Variants in THBS4 observed in about 807,000 individuals in gnomAD.
The protein encoded by THBS4 is thrombospondin-4.
Under a neutral mutation model 115.7 loss-of-function variants are expected in THBS4, and 90 were observed. The observed-to-expected ratio is 0.78, with a 90% CI of 0.66 to 0.93. The LOEUF is 0.93. THBS4 is among the 40% of genes least tolerant of loss of function. The probability of loss-of-function intolerance (pLI) is 0.00; values close to 1 mark genes in which losing one functional copy is unlikely to be tolerated. For synonymous variants in THBS4, 460 were observed against 479.3 expected (o/e 0.96, Z 0.53); for missense variants, 1,087 against 1,232.7 (o/e 0.88, Z 1.77).
At chr5:80,021,134 A>T (rs1388930498) in intron 2 of THBS4, among the ~76,000 whole-genome samples, 1 of 152,128 alleles carries the variant, frequency 6.6e-6, no homozygotes, top group African/African-American at 2.4e-5. Flanking sequence ...ACCGAGAAAC[A>T]GTTTTGTTGC....
At chr5:80,026,610 A>C (rs1386927753) in intron 2 of THBS4, among the ~76,000 whole-genome samples, 1 of 152,252 alleles carries the variant, frequency 6.6e-6, no homozygotes, top group African/African-American at 2.4e-5. Flanking sequence ...GCTGTATTCC[A>C]ATAAAACTTT....
In THBS4 at chr5:79,993,479, A is replaced by G. The variant is rs187592943; in HGVS notation, n.81+2067A>G. Among the ~76,000 whole-genome samples the G allele has an allele frequency of 2.0e-5, 3 of 152,350 alleles. No homozygotes were observed. In the East Asian group the frequency reaches 5.8e-4, roughly 29 times the overall value. The stretch of plus-strand genomic sequence containing the variant: ...TCCTGGCTGTTTTAGAGTATTGTTC[A>G]GAGTTCATCTAAATCATAACTTCAG... On this transcript the variant is annotated intron_variant and non_coding_transcript_variant, in intron 1 of 3. Coordinates refer to the THBS4 transcript ENST00000510218.
Position 80,080,093 on chromosome 5 carries a change from A to G in THBS4, c.2684+16A>G. 6.2e-7 allele frequency: 1 copy of G among 1,610,564 alleles called. No individual in the cohort carries two copies. Among genetic ancestry groups the G allele is most frequent in the East Asian group, 2.2e-5 (1 of 44,814 alleles). ...GCTACATCAGGTAGGTAGAGGCCCC[A>G]TCTCCTTACCTTGCTCTAGAAGCAA... On this transcript the variant is annotated intron_variant, in intron 20 of 21. Coordinates refer to ENST00000350881, the MANE Select transcript of THBS4 (RefSeq NM_003248.6).
At chr5:80,008,730 G>A (rs768445484) in intron 2 of THBS4, among the ~76,000 whole-genome samples, 1 of 152,138 alleles carries the variant, frequency 6.6e-6, no homozygotes, top group Non-Finnish European at 1.5e-5. Flanking sequence ...ATGCTTAACA[G>A]CACCCCTCGC....
chr5:80,006,551 T>C (rs1227390648), intron 2 of THBS4, among the ~76,000 whole-genome samples: 1 of 152,224 alleles, frequency 6.6e-6, no homozygotes, highest in African/African-American at 2.4e-5. Flanking sequence ...AATGGACTAA[T>C]ACACCTCTGC....
At chr5:80,027,986 G>A (rs967314125) in intron 2 of THBS4, among the ~76,000 whole-genome samples, 5 of 150,262 alleles carry the variant, frequency 3.3e-5, no homozygotes, top group African/African-American at 2.5e-5. Flanking sequence ...ATCAAAATAC[G>A]TTCATATCTC....
Position 80,070,691 on chromosome 5 carries a change from G to A in THBS4, c.1501G>A (p.Asp501Asn). The change falls in exon 12 of 22, where the codon GAT (aspartate) becomes AAT (asparagine). Residue 501 changes from aspartate (D) to asparagine (N), a missense_variant. Physicochemically the swap from Asp to Asn is conservative, Grantham distance 23. Around this residue, in one of 3 missense-constraint regions of THBS4, gnomAD observed 979 missense variants for 1,103.7 expected, o/e 0.89. Coordinates refer to ENST00000350881, the MANE Select transcript of THBS4 (RefSeq NM_003248.6). ...TTCTGGCCAAGAAGATGCAGACAGA[G>A]ATGGCATTGGCGACGCTTGTGACGA... is the stretch of plus-strand genomic sequence containing the variant. ...PNSGQEDADRDGIGDACDEDA... is the reference protein window; with the variant it reads ...PNSGQEDADRNGIGDACDEDA... The A allele has an allele frequency of 6.2e-7, 1 of 1,614,216 alleles. No homozygotes were observed.
rs540565168 is a variant in THBS4 at position 80,035,672 on chromosome 5, C to G, written c.88+47C>G. 6 of 1,256,418 alleles carry G rather than the reference C, an allele frequency of 4.8e-6. No homozygotes were observed. The South Asian group carries it at 6.9e-5, about 15-fold the overall frequency. The allele number at this position is 1,256,418 out of a possible 1,614,324, so 77.8% of individuals were successfully genotyped here. On this transcript the variant is annotated intron_variant, in intron 1 of 21. Transcript: ENST00000350881. This position sits in a 1 kb window ranked among gnomAD's most constrained non-coding sequence, Gnocchi z 4.6. ...CTGGGAGCGCCGGGCACCGGGTGCCCCATCTGCTGAGTGAGTGGAGGGACT... is the reference window on the plus strand; with the variant it reads ...CTGGGAGCGCCGGGCACCGGGTGCCGCATCTGCTGAGTGAGTGGAGGGACT...
chr5:80,047,712 C>T (rs957200678), intron 2 of THBS4, among the ~76,000 whole-genome samples: 1 of 151,340 alleles, frequency 6.6e-6, no homozygotes, highest in Non-Finnish European at 1.5e-5. Flanking sequence ...CAGCTCACTG[C>T]AACTTCCACC....
intron 1 of THBS4, among the ~76,000 whole-genome samples, chr5:80,037,553 C>G (rs1832754879): frequency 6.6e-6 from 1 of 152,138 alleles, no homozygotes; most frequent in Non-Finnish European, 1.5e-5. Context: ...CTTTTCAAAA[C>G]ACTCTCTATG....
At chr5:79,992,198 G>A (rs1831693240) in intron 1 of THBS4, among the ~76,000 whole-genome samples, 1 of 152,166 alleles carries the variant, frequency 6.6e-6, no homozygotes, top group Non-Finnish European at 1.5e-5. Flanking sequence ...CTATTAAAGA[G>A]GAAATTTTGG....
At position 79,992,517 on chromosome 5, in the gene THBS4, C is replaced by A. The variant is rs151245444; in HGVS notation, n.81+1105C>A. ...TTTACATGTTTCAAAACCAAGAGTT[C>A]TAAGAAATGAAAAAGAGATATGTCA... On this transcript the variant is annotated intron_variant and non_coding_transcript_variant, in intron 1 of 3. Coordinates refer to the THBS4 transcript ENST00000510218. 2.7e-3 allele frequency among the ~76,000 whole-genome samples: 414 copies of A among 152,116 alleles called. 1 individual carries two copies. The highest frequency in any genetic ancestry group is 9.1e-3 in the African/African-American group (376 of 41,482).
rs1832702947 is a variant in THBS4, at chr5:80,035,861, G to T, written c.88+236G>T. On this transcript the variant is annotated intron_variant, in intron 1 of 21. Transcript: ENST00000350881. The surrounding 1 kb of genome is among the most constrained non-coding windows in gnomAD (Gnocchi z 4.6). ...CTAAATAGTTGGGGGATGCAAAATT[G>T]TTTCAGACTATGCAAAGATGTGGGG... 6.6e-6 allele frequency among the ~76,000 whole-genome samples: 1 copy of T among 152,202 alleles called. No homozygotes were observed. Among genetic ancestry groups the T allele is most frequent in the Non-Finnish European group, 1.5e-5 (1 of 68,028 alleles).
In THBS4 at chr5:80,035,986, C is replaced by T; in HGVS notation, c.88+361C>T. On this transcript the variant is annotated intron_variant, in intron 1 of 21. Coordinates refer to ENST00000350881, the MANE Select transcript of THBS4 (RefSeq NM_003248.6). The surrounding 1 kb of genome is among the most constrained non-coding windows in gnomAD (Gnocchi z 4.6). Reference sequence around the variant, plus strand: ...GGGTCCTGCACCCTGTGCCGGTTCCCTCCAGGCAGCCTTGCTCCCTAAATC... The same window carrying T: ...GGGTCCTGCACCCTGTGCCGGTTCCTTCCAGGCAGCCTTGCTCCCTAAATC... 3.9e-6 allele frequency: 4 copies of T among 1,022,478 alleles called. No individual in the cohort carries two copies. The highest frequency in any genetic ancestry group is 4.7e-6 in the Non-Finnish European group (4 of 854,702). The allele number at this position is 1,022,478 out of a possible 1,614,324, so 63.3% of individuals were successfully genotyped here. A position where few individuals can be genotyped will look rare whatever the true frequency, so the allele number is the denominator to read the frequency against.
chr5:80,046,531 G>C (rs1833071189), intron 2 of THBS4, among the ~76,000 whole-genome samples: 1 of 152,068 alleles, frequency 6.6e-6, no homozygotes, highest in South Asian at 2.1e-4. Context: ...TGTATTTTGG[G>C]ATTGCCCAGA....
At chr5:80,052,299 A>G (rs1349848071) in intron 2 of THBS4, 1 of 152,156 alleles carries the variant, frequency 6.6e-6, no homozygotes, top group African/African-American at 2.4e-5. Context: ...ATTTTTATTG[A>G]TACATACTTT....
chr5:79,998,913 C>T (rs568950188), intron 2 of THBS4, among the ~76,000 whole-genome samples: 23 of 152,228 alleles, frequency 1.5e-4, no homozygotes, highest in African/African-American at 5.5e-4. Context: ...TGATGCTGAG[C>T]TATGTTCAGT....
intron 2 of THBS4, among the ~76,000 whole-genome samples, chr5:80,041,521 T>C (rs1832902524): frequency 6.6e-6 from 1 of 152,312 alleles, no homozygotes; most frequent in Admixed American, 6.5e-5. Flanking sequence ...CTGGCCGTGA[T>C]GGAAAGAATA....
chr5:80,059,584 A>G, intron 6 of THBS4, 93 bp downstream of exon 6: 2 of 1,594,284 alleles, frequency 1.3e-6, no homozygotes, highest in Middle Eastern at 3.3e-4. Flanking sequence ...CAGTTTCTGA[A>G]GGTCTACCAC....
Sources: allele counts gnomAD v4.1 joint callset (sites outside exome capture counted in the v4.1 genomes callset), GRCh38; gene constraint gnomAD v4.1.1; regional missense constraint gnomAD v4.1.1; non-coding constraint Gnocchi (gnomAD v3.1); transcripts MANE v1.5; gene names NCBI Gene and HGNC (gene_info 2026-07-23, HGNC 2026-07-21).